The following PLD5 variants were observed in gnomAD, a reference collection of about 807,000 sequenced individuals.
PLD5 encodes the protein inactive phospholipase D5.
PLD5 carries 36 observed loss-of-function variants against 61.1 expected under a neutral mutation model. The ratio of observed to expected loss-of-function variants is 0.59; its 90% CI spans 0.45 to 0.78. The LOEUF is 0.78. Among genes scored for constraint, PLD5 ranks in the 30% least tolerant of loss-of-function variants. The pLI, the probability that PLD5 is intolerant of heterozygous loss-of-function variation, is 0.00. For missense variants in PLD5, 515 were observed against 644.4 expected (o/e 0.80, Z 2.17); for synonymous variants, 243 against 242.8 (o/e 1.00, Z -0.01).
intron 4 of PLD5, among the ~76,000 whole-genome samples, chr1:242,246,517 A>ACACACACACAC (rs60224534): frequency 1.3e-4 from 19 of 150,706 alleles, no homozygotes; most frequent in African/African-American, 1.5e-4. Flanking sequence ...ACACACACAC[A>ACACACACACAC]AAAGCAAAAT....
intron 1 of PLD5, among the ~76,000 whole-genome samples, chr1:242,401,986 C>T (rs918267845): frequency 2.0e-5 from 3 of 152,316 alleles, no homozygotes; most frequent in Middle Eastern, 3.4e-3. Flanking sequence ...AGGAAAGGAA[C>T]ATATTTGCTT....
chr1:242,345,728 T>A (rs1660092214), intron 2 of PLD5: 1 of 684,584 alleles, frequency 1.5e-6, no homozygotes, highest in Non-Finnish European at 2.7e-6. Flanking sequence ...TCAAATCAAA[T>A]TCAAATGAGA....
rs937115770 is a variant in PLD5, at chr1:242,136,016, G to T, written c.736-11351C>A. On this transcript the variant is annotated intron_variant, in intron 5 of 9. Transcript: ENST00000536534. ...AACTTGTTCCTCGGGGTGGGAGGGC[G>T]AGGGAGGAAAGAGCAGCCTGGTCTT... Among the ~76,000 whole-genome samples the T allele has an allele frequency of 2.0e-5, 3 of 151,934 alleles. No individual in the cohort carries two copies. The South Asian group carries it at 6.4e-4, about 32-fold the overall frequency.
chr1:242,250,908 A>G (rs1672663186), intron 4 of PLD5, among the ~76,000 whole-genome samples: 1 of 152,176 alleles, frequency 6.6e-6, no homozygotes, highest in Non-Finnish European at 1.5e-5. Flanking sequence ...ATTTCCAGAA[A>G]TGTTAAGACT....
rs1574485866 is a variant in PLD5, at chr1:242,191,792, C to T, written c.735+28196G>A. Among the ~76,000 whole-genome samples the T allele has an allele frequency of 4.0e-5, 6 of 149,492 alleles. 1 individual carries two copies. The South Asian group carries it at 1.3e-3, about 31-fold the overall frequency. On this transcript the variant is annotated intron_variant, in intron 5 of 9. Coordinates refer to ENST00000536534, the MANE Select transcript of PLD5 (RefSeq NM_001372062.1). ...AAGAAAGAAGAGGGAGAAAGAGTAA[C>T]TGAGAGGGAAACAGAGGTACAGAGA...
chr1:242,183,209 A>T (rs573126839), intron 5 of PLD5, among the ~76,000 whole-genome samples: 1 of 152,334 alleles, frequency 6.6e-6, no homozygotes, highest in African/African-American at 2.4e-5. Context: ...AATTTTAATA[A>T]GTATTGCTGG....
intron 1 of PLD5, among the ~76,000 whole-genome samples, chr1:242,411,069 G>C (rs1664522139): frequency 6.6e-6 from 1 of 152,124 alleles, no homozygotes; most frequent in Non-Finnish European, 1.5e-5. Flanking sequence ...AGATGACTTT[G>C]ATAAGAGAAA....
chr1:242,502,854 A>C (rs984262050), intron 1 of PLD5, among the ~76,000 whole-genome samples: 1 of 152,140 alleles, frequency 6.6e-6, no homozygotes, highest in African/African-American at 2.4e-5. Flanking sequence ...TGAGGTCAGG[A>C]GTTTGAGACC....
chr1:242,141,538 T>A (rs1664173184), intron 5 of PLD5, among the ~76,000 whole-genome samples: 1 of 152,220 alleles, frequency 6.6e-6, no homozygotes, highest in Admixed American at 6.5e-5. Context: ...GACCTCCTCC[T>A]CTTCCTCAGG....
intron 2 of PLD5, among the ~76,000 whole-genome samples, chr1:242,346,820 C>T (rs1660163655): frequency 6.6e-6 from 1 of 152,116 alleles, no homozygotes; most frequent in African/African-American, 2.4e-5. Flanking sequence ...CCTGACTCTC[C>T]AACAGGCCCT....
intron 4 of PLD5, among the ~76,000 whole-genome samples, chr1:242,262,195 G>A (rs1210320842): frequency 6.6e-6 from 1 of 152,104 alleles, no homozygotes; most frequent in African/African-American, 2.4e-5. Context: ...ATAAAACTCA[G>A]CCAAAGAATC....
At chr1:242,484,894 G>T (rs1667905054) in intron 1 of PLD5, among the ~76,000 whole-genome samples, 2 of 152,258 alleles carry the variant, frequency 1.3e-5, no homozygotes, top group South Asian at 2.1e-4. Flanking sequence ...GGGATGCAAG[G>T]CTGGTTTAAC....
At chr1:242,241,450 T>A (rs1199906195) in intron 4 of PLD5, among the ~76,000 whole-genome samples, 1 of 152,192 alleles carries the variant, frequency 6.6e-6, no homozygotes, top group Non-Finnish European at 1.5e-5. Flanking sequence ...TTATACCAAC[T>A]GTCATTTCCA....
At chr1:242,309,239 C>T (rs1466662892) in intron 2 of PLD5, among the ~76,000 whole-genome samples, 2 of 152,052 alleles carry the variant, frequency 1.3e-5, no homozygotes, top group Non-Finnish European at 1.5e-5. Flanking sequence ...CAGTAAAGCC[C>T]CTTCCTCATC....
intron 3 of PLD5, among the ~76,000 whole-genome samples, chr1:242,284,305 T>G (rs1489142159): frequency 6.6e-6 from 1 of 151,556 alleles, no homozygotes; most frequent in Non-Finnish European, 1.5e-5. Context: ...GCCCAGCTAA[T>G]TTTGCATTTT....
At chr1:242,177,446 A>G (rs1265691414) in intron 5 of PLD5, among the ~76,000 whole-genome samples, 1 of 152,164 alleles carries the variant, frequency 6.6e-6, no homozygotes, top group Non-Finnish European at 1.5e-5. Context: ...GGATAGCATT[A>G]GGAGAAATAC....
At position 242,207,888 on chromosome 1, in the gene PLD5, A is replaced by T. The variant is rs1392749619; in HGVS notation, c.735+12100T>A. Among the ~76,000 whole-genome samples the T allele has an allele frequency of 3.5e-3, 109 of 31,324 alleles. 28 individuals are homozygous for T. Among genetic ancestry groups the T allele is most frequent in the African/African-American group, 0.029 (84 of 2,898 alleles). 20.5% of individuals were successfully genotyped at this position (31,324 alleles called of 152,430 possible). ...TATATTTATATATATTTATATATTT[A>T]TATATATTTATATATTTATATATAT... On this transcript the variant is annotated intron_variant, in intron 5 of 9. Coordinates refer to ENST00000536534, the MANE Select transcript of PLD5 (RefSeq NM_001372062.1).
intron 4 of PLD5, among the ~76,000 whole-genome samples, chr1:242,253,713 C>T (rs1672851649): frequency 6.6e-6 from 1 of 152,130 alleles, no homozygotes; most frequent in Non-Finnish European, 1.5e-5. Context: ...CTGCTTTTCT[C>T]CTGTCACAAG....
chr1:242,503,339 G>A (rs762480244), intron 1 of PLD5, among the ~76,000 whole-genome samples: 1 of 152,144 alleles, frequency 6.6e-6, no homozygotes, highest in African/African-American at 2.4e-5. Flanking sequence ...CCTGCCAGGC[G>A]TCGTCCTGCT....
Sources: gnomAD v4.1 joint callset for allele counts (sites outside exome capture counted in the v4.1 genomes callset) on GRCh38, gnomAD v4.1.1 for gene constraint, MANE v1.5 for transcripts, NCBI Gene and HGNC (gene_info 2026-07-23, HGNC 2026-07-21) for gene names.